RGS22: variants seen among roughly 807,000 people sequenced by gnomAD.
RGS22 encodes the protein regulator of G-protein signaling 22.
A neutral mutation model predicts 172.9 loss-of-function variants in RGS22; 148 were observed. The ratio of observed to expected loss-of-function variants is 0.86; its 90% confidence interval spans 0.75 to 0.98. RGS22 has a LOEUF of 0.98. Ranked by LOEUF, RGS22 falls within the 50% of genes least tolerant of loss-of-function variation. The probability of loss-of-function intolerance (pLI) is 0.00; values close to 1 mark genes in which losing one functional copy is unlikely to be tolerated. For synonymous variants in RGS22, 458 were observed against 480.2 expected (o/e 0.95, Z 0.60); for missense variants, 1,347 against 1,440.8 (o/e 0.93, Z 1.05).
chr8:100,105,173 T>C (rs992146881), intron 2 of RGS22, among the ~76,000 whole-genome samples: 1 of 152,180 alleles, frequency 6.6e-6, no homozygotes, highest in East Asian at 1.9e-4. Flanking sequence ...GCATCCACCA[T>C]ACAAATTAAT....
intron 10 of RGS22, 149 bp downstream of exon 10, chr8:100,052,653 T>C: frequency 2.7e-6 from 2 of 732,968 alleles, no homozygotes; most frequent in South Asian, 2.0e-5. Context: ...GAACAGACTG[T>C]AGGTTTTCTT....
intron 22 of RGS22, among the ~76,000 whole-genome samples, chr8:99,980,550 T>A (rs1563570127): frequency 6.6e-6 from 1 of 152,166 alleles, no homozygotes; most frequent in Non-Finnish European, 1.5e-5. Flanking sequence ...GCAATGCCAT[T>A]CTCTAAACTT....
intron 3 of RGS22, chr8:100,080,702 A>G (rs1811690283): frequency 1.0e-5 from 2 of 190,728 alleles, no homozygotes; most frequent in Non-Finnish European, 1.1e-5. Context: ...GTGGATCACT[A>G]GGGAAGAATG....
intron 20 of RGS22, among the ~76,000 whole-genome samples, chr8:99,995,443 G>C (rs1050117718): frequency 1.3e-5 from 2 of 152,180 alleles, no homozygotes; most frequent in Non-Finnish European, 2.9e-5. Flanking sequence ...CCATCAAAAA[G>C]TGGGCGAAGG....
intron 2 of RGS22, among the ~76,000 whole-genome samples, chr8:100,101,595 A>G (rs1813495528): frequency 6.6e-6 from 1 of 151,760 alleles, no homozygotes; most frequent in South Asian, 2.1e-4. Context: ...GCCCAGCCCT[A>G]AATTTTAATG....
rs770280436 is a variant in RGS22, at chr8:99,962,927, G to C, written c.3667C>G (p.Leu1223Val). The change falls in exon 25 of 28, where the codon CTT (leucine) becomes GTT (valine). Residue 1223 changes from leucine (L) to valine (V), a missense_variant. Physicochemically the swap from Leu to Val is conservative, Grantham distance 32. Transcript: ENST00000360863. ...YIEALEQERI[L>V]LKIQEELEKK... ...TCTAGTTCTTCTTGGATCTTAAGAA[G>C]AATTCTCTCCTGTTCTAAGGCTTCT... The C allele has an allele frequency of 6.2e-7, 1 of 1,600,822 alleles. No individual in the cohort carries two copies. The highest frequency in any genetic ancestry group is 1.2e-5 in the South Asian group (1 of 86,950).
intron 14 of RGS22, among the ~76,000 whole-genome samples, chr8:100,038,334 T>C (rs1586075013): frequency 4.5e-5 from 1 of 22,078 alleles, no homozygotes; most frequent in Non-Finnish European, 8.3e-5. Context: ...TCCCCCTCTA[T>C]TTTTTTTTTT....
At chr8:100,012,896 G>C (rs1483925317) in intron 14 of RGS22, among the ~76,000 whole-genome samples, 2 of 151,124 alleles carry the variant, frequency 1.3e-5, no homozygotes, top group African/African-American at 4.9e-5. Context: ...GATCTGATGT[G>C]CTACATATCA....
intron 14 of RGS22, among the ~76,000 whole-genome samples, chr8:100,019,884 A>G (rs1402479831): frequency 6.6e-6 from 1 of 151,872 alleles, no homozygotes; most frequent in Non-Finnish European, 1.5e-5. Context: ...TTGCAAAAAA[A>G]GTACTTTTTT....
intron 21 of RGS22, among the ~76,000 whole-genome samples, chr8:99,984,619 C>G (rs1812880518): frequency 6.6e-6 from 1 of 152,140 alleles, no homozygotes; most frequent in Non-Finnish European, 1.5e-5. Context: ...TTGCACTAAT[C>G]ACACTCTTAT....
intron 6 of RGS22, among the ~76,000 whole-genome samples, chr8:100,066,738 C>T (rs1363861579): frequency 6.6e-6 from 1 of 152,114 alleles, no homozygotes; most frequent in Non-Finnish European, 1.5e-5. Flanking sequence ...AACAACTGCT[C>T]CCCCAGTATG....
rs977211635 is a variant in RGS22, at chr8:100,008,680, G to A, written c.2167-111C>T. On this transcript the variant is annotated intron_variant, in intron 14 of 27. Coordinates refer to ENST00000360863, the MANE Select transcript of RGS22 (RefSeq NM_015668.5). ...ACTAAGAGAAGGCAAATAAGCCCACGTGATATTTTTCTTGAAAATATGGGT... is the reference window on the plus strand; with the variant it reads ...ACTAAGAGAAGGCAAATAAGCCCACATGATATTTTTCTTGAAAATATGGGT... 3.7e-5 allele frequency: 27 copies of A among 723,048 alleles called. No homozygotes were observed. In the Middle Eastern group the frequency reaches 9.3e-4, roughly 25 times the overall value. The allele number at this position is 723,048 out of a possible 1,614,324, so 44.8% of individuals were successfully genotyped here. A position where few individuals can be genotyped will look rare whatever the true frequency, so the allele number is the denominator to read the frequency against.
At chr8:100,054,851 A>G (rs1470614534) in intron 9 of RGS22, among the ~76,000 whole-genome samples, 1 of 152,202 alleles carries the variant, frequency 6.6e-6, no homozygotes, top group Admixed American at 6.5e-5. Context: ...AATAAATCAT[A>G]CATGGGATGG....
At chr8:100,105,745 A>G in intron 1 of RGS22, 152 bp downstream of exon 1, 1 of 648,306 alleles carries the variant, frequency 1.5e-6, no homozygotes. Context: ...AATTCGTCAT[A>G]AAATCCAACA....
intron 20 of RGS22, among the ~76,000 whole-genome samples, chr8:99,993,932 T>C (rs1000144869): frequency 6.6e-5 from 10 of 152,228 alleles, no homozygotes; most frequent in Non-Finnish European, 1.5e-4. Flanking sequence ...CAAGTCTGCT[T>C]CATCCCTGGG....
chr8:99,968,473 C>T (rs946103805), intron 23 of RGS22, among the ~76,000 whole-genome samples: 2 of 151,934 alleles, frequency 1.3e-5, no homozygotes, highest in African/African-American at 4.8e-5. Context: ...TGCAAGGAAG[C>T]TAAGAACATT....
rs777251698 is a variant in RGS22 at position 100,063,717 on chromosome 8, C to A, written c.1051G>T (p.Val351Leu). The A allele has an allele frequency of 5.6e-6, 9 of 1,613,922 alleles. No homozygotes were observed. In the South Asian group the frequency reaches 8.8e-5, roughly 16 times the overall value. The change falls in exon 8 of 28, where the codon GTG becomes TTG. Residue 351 changes from valine (V) to leucine (L), a missense_variant. Coordinates refer to ENST00000360863, the MANE Select transcript of RGS22 (RefSeq NM_015668.5). ...GACTCAAAACAATCATCAAATGACACTTTTGTTATATTGTTGAAGTTTATA... is the reference window on the plus strand; with the variant it reads ...GACTCAAAACAATCATCAAATGACAATTTTGTTATATTGTTGAAGTTTATA... ...DYINFNNITKVSFDDCFESIH... is the reference protein window; with the variant it reads ...DYINFNNITKLSFDDCFESIH...
chr8:100,094,007 C>T (rs3101312), intron 2 of RGS22, among the ~76,000 whole-genome samples: 24,913 of 152,026 alleles, frequency 0.16, 2,746 homozygotes, highest in African/African-American at 0.31. Context: ...GTCCCCCACC[C>T]CAGAATGAGG....
intron 2 of RGS22, among the ~76,000 whole-genome samples, chr8:100,099,166 G>T (rs969669668): frequency 2.6e-5 from 4 of 151,886 alleles, no homozygotes; most frequent in Non-Finnish European, 4.4e-5. Context: ...CACCCGCCTC[G>T]GCCTCTCAAA....
Sources: gnomAD v4.1 joint callset for allele counts (sites outside exome capture counted in the v4.1 genomes callset) on GRCh38, gnomAD v4.1.1 for gene constraint, MANE v1.5 for transcripts, NCBI Gene and HGNC (gene_info 2026-07-23, HGNC 2026-07-21) for gene names.